The following PREX2 variants were observed in gnomAD, a reference collection of about 807,000 sequenced individuals.
PREX2 encodes phosphatidylinositol-3,4,5-trisphosphate dependent Rac exchange factor 2.
In PREX2, 107 loss-of-function variants were observed where a neutral mutation model predicts 203.2. The ratio of observed to expected loss-of-function variants is 0.53; its 90% CI spans 0.45 to 0.62. The LOEUF (loss-of-function observed/expected upper bound fraction) is 0.62. Among genes scored for constraint, PREX2 ranks in the 20% least tolerant of loss-of-function variants. The pLI, the probability that PREX2 is intolerant of heterozygous loss-of-function variation, is 0.00. For synonymous variants in PREX2, 672 were observed against 663.6 expected (o/e 1.01, Z -0.19); for missense variants, 1,777 against 1,955.9 (o/e 0.91, Z 1.72).
intron 26 of PREX2, among the ~76,000 whole-genome samples, chr8:68,117,187 G>A (rs1245171830): frequency 6.6e-6 from 1 of 152,132 alleles, no homozygotes; most frequent in Non-Finnish European, 1.5e-5. Flanking sequence ...ACACATGGGG[G>A]AAAGAGGAAG....
intron 35 of PREX2, among the ~76,000 whole-genome samples, chr8:68,165,622 G>A (rs1811746203): frequency 6.6e-6 from 1 of 152,004 alleles, no homozygotes; most frequent in African/African-American, 2.4e-5. Flanking sequence ...GTGGTGATGG[G>A]TATGTACTGT....
At chr8:67,995,574 G>GA (rs1484637959) in intron 1 of PREX2, among the ~76,000 whole-genome samples, 1 of 152,134 alleles carries the variant, frequency 6.6e-6, no homozygotes, top group Non-Finnish European at 1.5e-5. Context: ...CAACGTGAGT[G>GA]AAAAACTATT....
At chr8:67,980,091 A>T (rs1806222080) in intron 1 of PREX2, among the ~76,000 whole-genome samples, 1 of 152,226 alleles carries the variant, frequency 6.6e-6, no homozygotes, top group Non-Finnish European at 1.5e-5. Context: ...TTGAGCAAAG[A>T]GGTGAAAAAG....
chr8:68,153,686 G>C (rs1282267990), intron 34 of PREX2, among the ~76,000 whole-genome samples: 1 of 152,100 alleles, frequency 6.6e-6, no homozygotes, highest in Non-Finnish European at 1.5e-5. Flanking sequence ...AGCTAAAATA[G>C]GGAATGTTGT....
intron 1 of PREX2, among the ~76,000 whole-genome samples, chr8:68,012,762 C>A: frequency 6.6e-6 from 1 of 152,286 alleles, no homozygotes; most frequent in East Asian, 1.9e-4. Flanking sequence ...TCTGTAGGAA[C>A]AAAGTAACAT....
rs1053041221 is a variant in PREX2, at chr8:68,077,298, G to A, written c.1570-99G>A. ...AAGCAATGCATGCTTTATAAGCGAA[G>A]CTTTGTCTGAATTTGGTGCTGGGAA... On this transcript the variant is annotated intron_variant, in intron 14 of 39. Coordinates refer to ENST00000288368, the MANE Select transcript of PREX2 (RefSeq NM_024870.4). 99 of 831,260 alleles carry A rather than the reference G, an allele frequency of 1.2e-4. 1 individual carries two copies. Among genetic ancestry groups the A allele is most frequent in the Non-Finnish European group, 3.0e-5 (14 of 468,718 alleles). 51.5% of individuals were successfully genotyped at this position (831,260 alleles called of 1,614,324 possible). A position where few individuals can be genotyped will look rare whatever the true frequency, so the allele number is the denominator to read the frequency against.
At chr8:68,175,165 G>C (rs932673748) in intron 35 of PREX2, among the ~76,000 whole-genome samples, 1 of 152,326 alleles carries the variant, frequency 6.6e-6, no homozygotes, top group Non-Finnish European at 1.5e-5. Context: ...GGGCAGTTCT[G>C]ACAGATGACT....
chr8:68,192,316 C>T lies in PREX2; in HGVS notation c.4414-19C>T. 6.4e-7 allele frequency: 1 copy of T among 1,563,724 alleles called. No homozygotes were observed. The highest frequency in any genetic ancestry group is 2.3e-5 in the East Asian group (1 of 43,852). ...TACTAAACATGTTGAACTTGACGTT[C>T]ATCACTTTTTTTCTGCAGCTAATGA... On this transcript the variant is annotated intron_variant, in intron 36 of 39. Coordinates refer to ENST00000288368, the MANE Select transcript of PREX2 (RefSeq NM_024870.4).
chr8:68,064,384 G>A (rs13260675), intron 11 of PREX2, among the ~76,000 whole-genome samples: 105,361 of 151,806 alleles, frequency 0.69, 36,631 homozygotes, highest in East Asian at 0.74. Flanking sequence ...GGGTTGGGGG[G>A]CAGGGTCTTG....
chr8:67,991,826 G>A (rs1806618423), intron 1 of PREX2, among the ~76,000 whole-genome samples: 1 of 152,134 alleles, frequency 6.6e-6, no homozygotes, highest in African/African-American at 2.4e-5. Flanking sequence ...TAGCCAATTG[G>A]TGCCAGCCAG....
chr8:68,131,138 T>C (rs1329841228), intron 31 of PREX2, among the ~76,000 whole-genome samples: 1 of 152,184 alleles, frequency 6.6e-6, no homozygotes, highest in Non-Finnish European at 1.5e-5. Context: ...TTTAATGTGC[T>C]CTCCCAATAA....
At position 67,952,526 on chromosome 8, in the gene PREX2, C is replaced by A. The variant is rs546875870; in HGVS notation, c.132C>A (p.Phe44Leu). 1.2e-6 allele frequency: 2 copies of A among 1,609,854 alleles called. No individual in the cohort carries two copies. The highest frequency in any genetic ancestry group is 2.7e-5 in the African/African-American group (2 of 74,906). ...TERDYVGTLEFLVSAFLHRMN... is the reference protein window; with the variant it reads ...TERDYVGTLELLVSAFLHRMN... ...GGGACTATGTGGGCACGCTGGAGTT[C>A]CTGGTGTCGGTGAGTGTCCCCGGCA... The change falls in exon 1 of 40, where the codon TTC becomes TTA. Residue 44 changes from phenylalanine to leucine, a missense_variant. Physicochemically the swap from Phe to Leu is conservative, Grantham distance 22 (BLOSUM62 0). Transcript: ENST00000288368.
intron 1 of PREX2, among the ~76,000 whole-genome samples, chr8:67,981,278 T>G (rs1299154568): frequency 6.6e-6 from 1 of 152,190 alleles, no homozygotes; most frequent in Non-Finnish European, 1.5e-5. Context: ...CTCCACACTC[T>G]GTCAAGGGAT....
intron 34 of PREX2, 46 bp from the exon 35 acceptor site, chr8:68,157,276 T>C (rs779733057): frequency 5.0e-6 from 5 of 1,008,664 alleles, no homozygotes; most frequent in African/African-American, 3.3e-5. Context: ...CGTGGAGAAA[T>C]TGAGTTATAA....
At chr8:67,986,412 G>A (rs937258888) in intron 1 of PREX2, among the ~76,000 whole-genome samples, 59 of 151,922 alleles carry the variant, frequency 3.9e-4, no homozygotes, top group Admixed American at 3.1e-3. Flanking sequence ...TGCCGGGAGC[G>A]TAGGGCTGCT....
chr8:68,027,405 T>A, intron 5 of PREX2, 82 bp downstream of exon 5: 1 of 921,522 alleles, frequency 1.1e-6, no homozygotes, highest in Non-Finnish European at 1.8e-6. Flanking sequence ...ATTATTTTAA[T>A]GAGTCTGATA....
intron 6 of PREX2, among the ~76,000 whole-genome samples, chr8:68,036,571 CAT>C (rs1411001953): frequency 8.6e-5 from 13 of 151,884 alleles, no homozygotes; most frequent in African/African-American, 3.2e-4. Flanking sequence ...TTAATGAACA[CAT>C]GATAAAGTAC....
chr8:68,073,050 G>A (rs1809246209), intron 14 of PREX2, among the ~76,000 whole-genome samples: 1 of 151,762 alleles, frequency 6.6e-6, no homozygotes, highest in Admixed American at 6.6e-5. Context: ...TTGTTGACCT[G>A]CTTCTCAAGA....
At chr8:68,024,108 G>A (rs1467213107) in intron 4 of PREX2, among the ~76,000 whole-genome samples, 1 of 151,854 alleles carries the variant, frequency 6.6e-6, no homozygotes, top group Non-Finnish European at 1.5e-5. Flanking sequence ...GATTTTTTTA[G>A]TAGATGTTCT....
Sources: gnomAD v4.1 joint callset for allele counts (sites outside exome capture counted in the v4.1 genomes callset) on GRCh38, gnomAD v4.1.1 for gene constraint, MANE v1.5 for transcripts, NCBI Gene and HGNC (gene_info 2026-07-23, HGNC 2026-07-21) for gene names.